Variants in NBPF9 observed in about 807,000 individuals in gnomAD.
NBPF9 encodes NBPF family member NBPF9.
Under a neutral mutation model 97.8 loss-of-function variants are expected in NBPF9, and 91 were observed. The observed-to-expected ratio is 0.93, with a 90% CI of 0.79 to 1.11. The LOEUF is 1.11. NBPF9 is among the 50% of genes least tolerant of loss of function. NBPF9 has a pLI of 0.00. For missense variants in NBPF9, 992 were observed against 939.5 expected (o/e 1.06, Z -0.73); for synonymous variants, 334 against 359.5 (o/e 0.93, Z 0.80).
rs2079403566 is a variant in NBPF9 at position 149,071,458 on chromosome 1, C to G, written c.1379+146G>C. On this transcript the variant is annotated intron_variant, in intron 15 of 29. Coordinates refer to ENST00000584027, the Ensembl canonical transcript of NBPF9. ...TAGAGAAACATGACAGCTGCCGCACCCTGTGTCTAAGCTGGGTTCAATTTC... is the reference window on the plus strand; with the variant it reads ...TAGAGAAACATGACAGCTGCCGCACGCTGTGTCTAAGCTGGGTTCAATTTC... 5 of 1,092,840 alleles carry G rather than the reference C, an allele frequency of 4.6e-6. 1 individual carries two copies. The allele number at this position is 1,092,840 out of a possible 1,614,324, so 67.7% of individuals were successfully genotyped here.
rs1473814749 is a variant in NBPF9, at chr1:149,082,819, G to A, written c.-194-389C>T. On this transcript the variant is annotated intron_variant, in intron 5 of 29. Transcript: ENST00000584027. ...TTTTGAGACAGAGTCTCACTCTGTC[G>A]CCCAGGCTGGAGTGCAGTGACGCGA... is the stretch of plus-strand genomic sequence containing the variant. 1.4e-3 allele frequency among the ~76,000 whole-genome samples: 200 copies of A among 141,238 alleles called. 1 individual carries two copies. Among genetic ancestry groups the A allele is most frequent in the South Asian group, 9.0e-4 (4 of 4,426 alleles). The allele number at this position is 141,238 out of a possible 152,430, so 92.7% of individuals were successfully genotyped here.
chr1:149,071,290 C>G (rs1267359572), intron 15 of NBPF9, 151 bp from the exon 16 acceptor site: 47 of 1,375,486 alleles, frequency 3.4e-5, no homozygotes, highest in Middle Eastern at 2.5e-4. Context: ...AGGTAATCCT[C>G]TTCTCTCTGC....
At chr1:149,059,717 T>A in exon 25 of NBPF9, 1 of 578,844 alleles carries the variant, frequency 1.7e-6, no homozygotes, top group East Asian at 2.7e-5. Context: ...ATGGTGGGTT[T>A]TGATTTTCTT....
exon 30 of NBPF9, chr1:149,055,773 A>T: frequency 6.2e-7 from 1 of 1,611,648 alleles, no homozygotes; most frequent in Non-Finnish European, 8.5e-7. Context: ...CAAATGAGTA[A>T]AACACACTTC....
At chr1:149,087,524 G>C (rs1210179589) in intron 5 of NBPF9, among the ~76,000 whole-genome samples, 2 of 148,988 alleles carry the variant, frequency 1.3e-5, no homozygotes, top group Admixed American at 6.7e-5. Context: ...TCTGGAAATA[G>C]GTAGTGAATT....
At chr1:149,090,560 A>T in intron 5 of NBPF9, 193 bp downstream of exon 5, 2 of 531,372 alleles carry the variant, frequency 3.8e-6, no homozygotes, top group Non-Finnish European at 6.7e-6. Context: ...TGCAATAAAG[A>T]ATGCCCATAA....
At chr1:149,099,459 C>T (rs1270605378) in intron 3 of NBPF9, among the ~76,000 whole-genome samples, 2 of 152,142 alleles carry the variant, frequency 1.3e-5, no homozygotes, top group Non-Finnish European at 2.9e-5. Flanking sequence ...TTCATTCATT[C>T]ATTCATTTAA....
intron 22 of NBPF9, 193 bp from the exon 23 acceptor site, chr1:149,061,576 A>T: frequency 3.0e-6 from 1 of 335,756 alleles, no homozygotes; most frequent in Non-Finnish European, 5.4e-6. Flanking sequence ...CAAGGGTGAA[A>T]TATCCCCATT....
intron 5 of NBPF9, among the ~76,000 whole-genome samples, chr1:149,086,878 C>T (rs1432145544): frequency 6.6e-6 from 1 of 152,108 alleles, no homozygotes; most frequent in East Asian, 1.9e-4. Flanking sequence ...GATCATTGTG[C>T]AGACACAGTG....
At chr1:149,082,977 T>TTTTTTTTTG (rs2080643526) in intron 5 of NBPF9, among the ~76,000 whole-genome samples, 1 of 128,278 alleles carries the variant, frequency 7.8e-6, no homozygotes, top group Non-Finnish European at 1.7e-5. Flanking sequence ...TTTTTTTTTT[T>TTTTTTTTTG]TTTTTGTATT....
rs782371942 is a variant in NBPF9 at position 149,062,080 on chromosome 1, G to A, written c.2251+13C>T. 6.8e-6 allele frequency: 7 copies of A among 1,036,084 alleles called. No homozygotes were observed. Among genetic ancestry groups the A allele is most frequent in the Admixed American group, 1.7e-5 (1 of 57,260 alleles). The allele number at this position is 1,036,084 out of a possible 1,614,324, so 64.2% of individuals were successfully genotyped here. ...CAGGTGGAGGCTTATCACCTTCATA[G>A]TAAGGTACTCACTGTCCAAGTCAAG... On this transcript the variant is annotated intron_variant, in intron 22 of 29. Coordinates refer to ENST00000584027, the Ensembl canonical transcript of NBPF9.
Position 149,063,316 on chromosome 1 carries a change from GA to G in NBPF9, c.2026+316del, listed in dbSNP as rs782230500. 8.8e-3 allele frequency among the ~76,000 whole-genome samples: 1,034 copies of G among 117,912 alleles called. 8 individuals are homozygous for G. The highest frequency in any genetic ancestry group is 0.014 in the Non-Finnish European group (813 of 59,172). 77.4% of individuals were successfully genotyped at this position (117,912 alleles called of 152,430 possible). On this transcript the variant is annotated intron_variant, in intron 20 of 29. Transcript: ENST00000584027. ...AGACGCTGAAATTAGAGTGAAGGAT[GA>G]AATCTACAAGATCTACAAAATTGAG...
intron 29 of NBPF9, among the ~76,000 whole-genome samples, 185 bp from the exon 30 acceptor site, chr1:149,056,084 A>G (rs879973691): frequency 1.3e-5 from 2 of 151,334 alleles, no homozygotes; most frequent in Admixed American, 6.5e-5. Context: ...GAAAACAATG[A>G]AAGAGAAAGA....
At chr1:149,068,171 C>T (rs1164096984) in intron 17 of NBPF9, among the ~76,000 whole-genome samples, 1 of 149,198 alleles carries the variant, frequency 6.7e-6, no homozygotes, top group African/African-American at 2.5e-5. Context: ...ACTGCAAAAA[C>T]ATGCCAAACT....
intron 3 of NBPF9, among the ~76,000 whole-genome samples, 180 bp from the exon 4 acceptor site, chr1:149,098,886 C>T (rs587660705): frequency 2.4e-5 from 3 of 123,696 alleles, no homozygotes; most frequent in Non-Finnish European, 3.4e-5. Context: ...TCACCAGCCT[C>T]GGCAACATAG....
chr1:149,086,213 A>ACTAACACAGGCCTCC (rs2080985387), intron 5 of NBPF9, among the ~76,000 whole-genome samples: 1 of 149,212 alleles, frequency 6.7e-6, no homozygotes, highest in Admixed American at 6.7e-5. Flanking sequence ...GCCAGGTCTC[A>ACTAACACAGGCCTCC]CTAACACAGG....
exon 22 of NBPF9, chr1:149,062,139 A>C (rs782816304): frequency 9.5e-7 from 1 of 1,052,084 alleles, no homozygotes; most frequent in Non-Finnish European, 1.5e-6. Context: ...CCAATGAGTA[A>C]ACAGCACTGC....
chr1:149,071,996 C>A (rs782759020), intron 14 of NBPF9, among the ~76,000 whole-genome samples: 6,560 of 147,250 alleles, frequency 0.045, 218 homozygotes, highest in Non-Finnish European at 0.069. Context: ...GATTCCCAGG[C>A]ACAGGCTTGG....
rs1438826685 is a variant in NBPF9 at position 149,055,451 on chromosome 1, T to A, written c.*205A>T. 16 of 850,048 alleles carry A rather than the reference T, an allele frequency of 1.9e-5. No homozygotes were observed. The African/African-American group carries it at 2.6e-4, about 14-fold the overall frequency. 52.7% of individuals were successfully genotyped at this position (850,048 alleles called of 1,614,324 possible). A position where few individuals can be genotyped will look rare whatever the true frequency, so the allele number is the denominator to read the frequency against. On this transcript the variant is annotated 3_prime_UTR_variant, in exon 30 of 30. Coordinates refer to ENST00000584027, the Ensembl canonical transcript of NBPF9. ...TCCCGGCATGTGCTGCACAGTTATG[T>A]GAACGTGTCACACCTAACGTGGGTC...
Sources: gnomAD v4.1 joint callset for allele counts (sites outside exome capture counted in the v4.1 genomes callset) on GRCh38, gnomAD v4.1.1 for gene constraint, MANE v1.5 for transcripts, NCBI Gene and HGNC (gene_info 2026-07-23, HGNC 2026-07-21) for gene names.